Variants in NUP160 observed in about 807,000 individuals in gnomAD.
The protein encoded by NUP160 is nucleoporin 160, also known as nuclear pore complex protein Nup160.
Under a neutral mutation model 196.9 loss-of-function variants are expected in NUP160, and 94 were observed. The ratio of observed to expected loss-of-function variants is 0.48; its 90% CI spans 0.40 to 0.57. The LOEUF is 0.57. NUP160 is among the 20% of genes least tolerant of loss of function. NUP160 has a pLI of 0.00. For missense variants in NUP160, 1,638 were observed against 1,748.3 expected (o/e 0.94, Z 1.13); for synonymous variants, 605 against 619.7 (o/e 0.98, Z 0.35).
intron 3 of NUP160, 44 bp from the exon 4 acceptor site, chr11:47,840,109 C>T: frequency 6.8e-7 from 1 of 1,474,466 alleles, no homozygotes; most frequent in Non-Finnish European, 9.4e-7. Flanking sequence ...TCAAAATAAC[C>T]AGAATTTTGC....
At position 47,806,320 on chromosome 11, in the gene NUP160, A is replaced by T; in HGVS notation, c.2447-8T>A. The T allele has an allele frequency of 6.2e-7, 1 of 1,604,196 alleles. No individual in the cohort carries two copies. Among genetic ancestry groups the T allele is most frequent in the Non-Finnish European group, 8.5e-7 (1 of 1,173,564 alleles). Reference sequence around the variant, plus strand: ...TAGTCTGAGGACTAGATACTTAAAAAGAAAAAGTTATGACAGTTTTGTGTA... The same window carrying T: ...TAGTCTGAGGACTAGATACTTAAAATGAAAAAGTTATGACAGTTTTGTGTA... On this transcript the variant is annotated splice_region_variant and splice_polypyrimidine_tract_variant and intron_variant, in intron 19 of 35. Coordinates refer to ENST00000378460, the Ensembl canonical transcript of NUP160.
intron 7 of NUP160, among the ~76,000 whole-genome samples, chr11:47,832,776 CCT>C (rs1032535136): frequency 6.6e-6 from 1 of 152,196 alleles, no homozygotes; most frequent in Admixed American, 6.5e-5. Flanking sequence ...TATTCCAATT[CCT>C]GTCTTGATAA....
exon 36 of NUP160, chr11:47,778,542 A>C (rs2097658839): frequency 6.6e-6 from 1 of 152,642 alleles, no homozygotes; most frequent in Non-Finnish European, 1.5e-5. Context: ...TTAGCTGGTC[A>C]TCATTTTAGG....
intron 18 of NUP160, 80 bp from the exon 19 acceptor site, chr11:47,807,220 ACT>A: frequency 1.2e-6 from 1 of 844,562 alleles, no homozygotes; most frequent in Non-Finnish European, 1.9e-6. Flanking sequence ...TACGAAGAAC[ACT>A]GTCAATTTAA....
intron 7 of NUP160, among the ~76,000 whole-genome samples, chr11:47,830,780 G>T: frequency 6.6e-6 from 1 of 152,014 alleles, no homozygotes; most frequent in East Asian, 1.9e-4. Flanking sequence ...CCTGGGTGAT[G>T]AGAAAATCTG....
At chr11:47,819,278 A>T (rs1599331681) in intron 10 of NUP160, 96 bp downstream of exon 10, 1 of 840,908 alleles carries the variant, frequency 1.2e-6, no homozygotes, top group African/African-American at 1.7e-5. Flanking sequence ...ATGCCACTGT[A>T]CCCCAGCCTG....
chr11:47,809,786 GA>G (rs1254211373), intron 17 of NUP160, among the ~76,000 whole-genome samples: 22 of 137,572 alleles, frequency 1.6e-4, no homozygotes, highest in Admixed American at 1.6e-3. Flanking sequence ...GGACATAAAG[GA>G]AAAACTGGCA....
At chr11:47,821,949 A>G (rs1565202427) in intron 8 of NUP160, 128 bp from the exon 9 acceptor site, 3 of 993,808 alleles carry the variant, frequency 3.0e-6, no homozygotes, top group African/African-American at 3.2e-5. Flanking sequence ...TGAATTTGGT[A>G]AAGTCTAAAT....
chr11:47,822,250 T>A, intron 7 of NUP160, 86 bp from the exon 8 acceptor site: 2 of 931,544 alleles, frequency 2.1e-6, no homozygotes, highest in Non-Finnish European at 3.3e-6. Flanking sequence ...TTCAGAAACC[T>A]TTAAAAAAAA....
intron 8 of NUP160, 63 bp downstream of exon 8, chr11:47,822,024 C>G (rs912466293): frequency 1.8e-6 from 2 of 1,136,612 alleles, no homozygotes; most frequent in African/African-American, 1.6e-5. Flanking sequence ...TATACCATAA[C>G]AGAGTTAGTC....
intron 34 of NUP160, among the ~76,000 whole-genome samples, chr11:47,782,115 C>G (rs1308819369): frequency 6.6e-6 from 1 of 151,330 alleles, no homozygotes; most frequent in Non-Finnish European, 1.5e-5. Flanking sequence ...AGCCCCATCT[C>G]TACCAAAAAT....
chr11:47,811,528 C>A (rs530981973), intron 17 of NUP160, among the ~76,000 whole-genome samples: 1 of 151,608 alleles, frequency 6.6e-6, no homozygotes, highest in South Asian at 2.1e-4. Context: ...AAAGAGTTTT[C>A]TTTTTCTTCC....
intron 35 of NUP160, among the ~76,000 whole-genome samples, chr11:47,779,982 A>G (rs895761986): frequency 6.6e-6 from 1 of 152,176 alleles, no homozygotes. Flanking sequence ...TGCCCGTCTC[A>G]GCCTTCCAAA....
chr11:47,842,717 C>T (rs1475257919), intron 2 of NUP160, among the ~76,000 whole-genome samples: 4 of 152,290 alleles, frequency 2.6e-5, no homozygotes, highest in East Asian at 1.9e-4. Flanking sequence ...GGGCCAGGTA[C>T]AATAGCTCAT....
intron 2 of NUP160, chr11:47,841,819 C>G (rs1852304511): frequency 5.9e-6 from 1 of 168,616 alleles, no homozygotes; most frequent in African/African-American, 2.4e-5. Flanking sequence ...TCCTCAGCAG[C>G]TGGGACTACA....
intron 32 of NUP160, 52 bp from the exon 33 acceptor site, chr11:47,785,115 A>T (rs756052407): frequency 1.8e-6 from 1 of 551,520 alleles, no homozygotes; most frequent in Non-Finnish European, 2.7e-6. Context: ...ATAGCTATTT[A>T]GAGTACCATT....
exon 3 of NUP160, chr11:47,840,586 T>C (rs769348250): frequency 1.5e-5 from 23 of 1,579,508 alleles, no homozygotes; most frequent in Non-Finnish European, 2.0e-5. Context: ...TCCAGAGGTC[T>C]TCCTGTTGAA....
At chr11:47,821,843 A>C in intron 8 of NUP160, 22 bp from the exon 9 acceptor site, 1 of 1,564,556 alleles carries the variant, frequency 6.4e-7, no homozygotes, top group Non-Finnish European at 8.8e-7. Flanking sequence ...TGTGGGAAAA[A>C]AAGGGATAAA....
intron 17 of NUP160, among the ~76,000 whole-genome samples, chr11:47,810,697 C>T (rs965742315): frequency 8.6e-5 from 13 of 151,834 alleles, no homozygotes; most frequent in African/African-American, 3.1e-4. Flanking sequence ...CAGGAGTGTG[C>T]CACCAGACCC....
Sources: gnomAD v4.1 joint callset for allele counts (sites outside exome capture counted in the v4.1 genomes callset) on GRCh38, gnomAD v4.1.1 for gene constraint, MANE v1.5 for transcripts, NCBI Gene and HGNC (gene_info 2026-07-23, HGNC 2026-07-21) for gene names.